COL4A1: variants seen among roughly 807,000 people sequenced by gnomAD.
The protein encoded by COL4A1 is collagen alpha-1(IV) chain.
COL4A1 carries 40 observed loss-of-function variants against 216.6 expected under a neutral mutation model. The observed-to-expected ratio is 0.18, with a 90% CI of 0.14 to 0.24. The LOEUF is 0.24. Among genes scored for constraint, COL4A1 ranks in the 10% least tolerant of loss-of-function variants. The pLI, the probability that COL4A1 is intolerant of heterozygous loss-of-function variation, is 1.00. For synonymous variants in COL4A1, 839 were observed against 810.7 expected, an observed-to-expected ratio of 1.03 and a Z score of -0.59; for missense variants, 1,628 against 2,196.8, an observed-to-expected ratio of 0.74 and a Z score of 5.18.
intron 1 of COL4A1, among the ~76,000 whole-genome samples, chr13:110,277,034 G>A (rs1169577656): frequency 1.3e-5 from 2 of 152,202 alleles, no homozygotes; most frequent in African/African-American, 4.8e-5. Flanking sequence ...GCTGCTCCCA[G>A]TTATCTGCCT....
chr13:110,250,906 A>G (rs113049561), intron 1 of COL4A1, among the ~76,000 whole-genome samples: 6 of 152,220 alleles, frequency 3.9e-5, no homozygotes, highest in Non-Finnish European at 7.3e-5. Context: ...CGTTCTCTCA[A>G]TGAAACTCAA....
chr13:110,258,382 A>T (rs958508570), intron 1 of COL4A1, among the ~76,000 whole-genome samples: 2 of 152,168 alleles, frequency 1.3e-5, no homozygotes, highest in Non-Finnish European at 2.9e-5. Flanking sequence ...TACTAAAAAA[A>T]TACAAAAATT....
rs140224913 is a variant in COL4A1 at position 110,240,218 on chromosome 13, TA to T, written c.144+2456del. ...TGTTCTTTATGGAATTAAAAAAAAT[TA>T]AAAAAAAACAGTAAGAACCCCAAAG... is the stretch of plus-strand genomic sequence containing the variant. On this transcript the variant is annotated intron_variant, in intron 2 of 51. Coordinates refer to ENST00000375820, the MANE Select transcript of COL4A1 (RefSeq NM_001845.6). Among the ~76,000 whole-genome samples, 6 of 150,776 alleles carry T rather than the reference TA, an allele frequency of 4.0e-5. No individual in the cohort carries two copies. In the South Asian group the frequency reaches 1.0e-3, roughly 26 times the overall value.
chr13:110,282,650 C>T (rs567731688), intron 1 of COL4A1, among the ~76,000 whole-genome samples: 166 of 152,270 alleles, frequency 1.1e-3, no homozygotes, highest in African/African-American at 3.7e-3. Flanking sequence ...AACTGTGTGT[C>T]CTACCCTGGG....
intron 1 of COL4A1, among the ~76,000 whole-genome samples, chr13:110,261,035 TC>T (rs1409478836): frequency 1.9e-4 from 8 of 42,162 alleles, no homozygotes; most frequent in Admixed American, 8.7e-4. Flanking sequence ...AGACTCCGTC[TC>T]AAAAAAAAAA....
chr13:110,240,252 T>C (rs1881500734), intron 2 of COL4A1, among the ~76,000 whole-genome samples: 1 of 151,296 alleles, frequency 6.6e-6, no homozygotes, highest in Non-Finnish European at 1.5e-5. Flanking sequence ...AAGTTGGCAA[T>C]GGAGAAACAG....
chr13:110,251,794 C>T (rs1882085453), intron 1 of COL4A1, among the ~76,000 whole-genome samples: 1 of 152,210 alleles, frequency 6.6e-6, no homozygotes, highest in African/African-American at 2.4e-5. Flanking sequence ...AGGAGTTTAA[C>T]TTTTCAGATC....
chr13:110,280,007 C>T (rs1316175402), intron 1 of COL4A1, among the ~76,000 whole-genome samples: 2 of 152,166 alleles, frequency 1.3e-5, no homozygotes, highest in African/African-American at 4.8e-5. Context: ...TTTGATTCTC[C>T]CTTCCTGATA....
chr13:110,157,027 C>T (rs547512527), intron 49 of COL4A1, among the ~76,000 whole-genome samples: 1 of 152,326 alleles, frequency 6.6e-6, no homozygotes, highest in South Asian at 2.1e-4. Flanking sequence ...CCTAGAAATA[C>T]AGCCTGGAGG....
In COL4A1 at chr13:110,211,537, A is replaced by T; in HGVS notation, c.468+110T>A. On this transcript the variant is annotated intron_variant, in intron 8 of 51. Transcript: ENST00000375820. This position sits in a 1 kb window ranked among gnomAD's most constrained non-coding sequence, Gnocchi z 4.3. ...TAACAGAGTTTAGGGAAGTGTGTTC[A>T]GAAACAATCGATCAGCCAAAGTGGT... 6 of 1,047,426 alleles carry T rather than the reference A, an allele frequency of 5.7e-6. No individual in the cohort carries two copies. Among genetic ancestry groups the T allele is most frequent in the Non-Finnish European group, 8.5e-6 (6 of 705,132 alleles). 64.9% of individuals were successfully genotyped at this position (1,047,426 alleles called of 1,614,324 possible).
chr13:110,191,610 A>G lies in COL4A1; in HGVS notation c.1536+604T>C, dbSNP rs1167871162. 1.6e-5 allele frequency: 11 copies of G among 680,044 alleles called. No individual in the cohort carries two copies. In the Admixed American group the frequency reaches 1.8e-4, roughly 11 times the overall value. 42.1% of individuals were successfully genotyped at this position (680,044 alleles called of 1,614,324 possible). ...TGTTCCATTGAAAGGTTTCATGTCA[A>G]TGTGATCCGGATATTTCATTTATGG... On this transcript the variant is annotated intron_variant, in intron 24 of 51. Transcript: ENST00000375820.
rs371680338 is a variant in COL4A1 at position 110,183,895 on chromosome 13, C to G, written c.1898-619G>C. Among the ~76,000 whole-genome samples the G allele has an allele frequency of 1.8e-4, 28 of 152,300 alleles. No homozygotes were observed. The East Asian group carries it at 5.0e-3, about 27-fold the overall frequency. ...GAGAGCCACCGGAGTGTCAGGGTTT[C>G]GCTGTTAAGAAAGGACCAAAGGCTT... is the stretch of plus-strand genomic sequence containing the variant. On this transcript the variant is annotated intron_variant, in intron 26 of 51. Transcript: ENST00000375820.
intron 1 of COL4A1, among the ~76,000 whole-genome samples, chr13:110,245,700 C>A (rs576113253): frequency 6.6e-6 from 1 of 152,176 alleles, no homozygotes; most frequent in Non-Finnish European, 1.5e-5. Context: ...TTAAGCCATC[C>A]GTGAATGCTT....
chr13:110,232,516 TG>T (rs1474583523), intron 2 of COL4A1, among the ~76,000 whole-genome samples: 1 of 152,228 alleles, frequency 6.6e-6, no homozygotes, highest in Admixed American at 6.5e-5. Flanking sequence ...TGTCAGGGTT[TG>T]TTTTATGTTA....
At chr13:110,199,008 G>T (rs1462239769) in intron 20 of COL4A1, among the ~76,000 whole-genome samples, 1 of 152,212 alleles carries the variant, frequency 6.6e-6, no homozygotes, top group African/African-American at 2.4e-5. Context: ...TGGAGCAAAG[G>T]GATGGTCAGT....
At chr13:110,182,392 CACA>C (rs572340600) in intron 28 of COL4A1, among the ~76,000 whole-genome samples, 32 of 152,314 alleles carry the variant, frequency 2.1e-4, no homozygotes, top group Non-Finnish European at 4.4e-4. Flanking sequence ...AACTTCCTTA[CACA>C]ACACGTCCCT....
In COL4A1 at chr13:110,178,059, C is replaced by T. The variant is rs772053307; in HGVS notation, c.2626+5G>A. On this transcript the variant is annotated splice_donor_5th_base_variant and intron_variant, in intron 32 of 51. Coordinates refer to ENST00000375820, the MANE Select transcript of COL4A1 (RefSeq NM_001845.6). ...GATCCAGGCAGAAGTTCAAAAATCA[C>T]TTACCTGGAAACCCAGGAATCCCAG... The T allele has an allele frequency of 6.2e-7, 1 of 1,614,182 alleles. No individual in the cohort carries two copies. The highest frequency in any genetic ancestry group is 8.5e-7 in the Non-Finnish European group (1 of 1,180,046).
chr13:110,184,201 A>G (rs1483351999), intron 26 of COL4A1, among the ~76,000 whole-genome samples: 1 of 152,154 alleles, frequency 6.6e-6, no homozygotes, highest in African/African-American at 2.4e-5. Context: ...CTGTGGGGAG[A>G]GAGGATCAAC....
intron 2 of COL4A1, among the ~76,000 whole-genome samples, chr13:110,240,209 A>T (rs1881497865): frequency 1.3e-5 from 2 of 148,238 alleles, no homozygotes; most frequent in Admixed American, 6.6e-5. Flanking sequence ...TTATGGAATT[A>T]AAAAAAATTA....
Sources: allele counts gnomAD v4.1 joint callset (sites outside exome capture counted in the v4.1 genomes callset), GRCh38; gene constraint gnomAD v4.1.1; non-coding constraint Gnocchi (gnomAD v3.1); transcripts MANE v1.5; gene names NCBI Gene and HGNC (gene_info 2026-07-23, HGNC 2026-07-21).